CWF19L2: variants seen among roughly 807,000 people sequenced by gnomAD.
CWF19L2 encodes CWF19 like cell cycle control factor 2.
Under a neutral mutation model 111.7 loss-of-function variants are expected in CWF19L2, and 98 were observed. That is an observed-to-expected ratio of 0.88 (90% CI 0.75 to 1.04). The LOEUF (loss-of-function observed/expected upper bound fraction) is 1.04. Among genes scored for constraint, CWF19L2 ranks in the 50% least tolerant of loss-of-function variants. The pLI, the probability that CWF19L2 is intolerant of heterozygous loss-of-function variation, is 0.00. For missense variants in CWF19L2, 1,101 were observed against 1,051.4 expected, an observed-to-expected ratio of 1.05 and a Z score of -0.65; for synonymous variants, 351 against 342.9, an observed-to-expected ratio of 1.02 and a Z score of -0.26.
chr11:107,416,315 A>C lies in CWF19L2; in HGVS notation c.1528-17T>G. 1 of 1,189,882 alleles carries C rather than the reference A, an allele frequency of 8.4e-7. No homozygotes were observed. Among genetic ancestry groups the C allele is most frequent in the Non-Finnish European group, 1.2e-6 (1 of 859,892 alleles). The allele number at this position is 1,189,882 out of a possible 1,614,324, so 73.7% of individuals were successfully genotyped here. ...AGCTAATTCCTTCAAAAAGAAAAAC[A>C]AGTAAAATATGTGCGATATGTAGTT... On this transcript the variant is annotated splice_polypyrimidine_tract_variant and intron_variant, in intron 9 of 17. Transcript: ENST00000282251.
chr11:107,331,604 A>G (rs955369805), intron 16 of CWF19L2, among the ~76,000 whole-genome samples: 2 of 152,222 alleles, frequency 1.3e-5, no homozygotes, highest in Non-Finnish European at 2.9e-5. Flanking sequence ...GCATGCTGAC[A>G]CCTTGATTTT....
At position 107,413,682 on chromosome 11, in the gene CWF19L2, T is replaced by C. The variant is rs191685323; in HGVS notation, c.1617+2527A>G. Among the ~76,000 whole-genome samples, 251 of 152,324 alleles carry C rather than the reference T, an allele frequency of 1.6e-3. 1 individual carries two copies. The highest frequency in any genetic ancestry group is 5.6e-3 in the African/African-American group (231 of 41,570). On this transcript the variant is annotated intron_variant, in intron 10 of 17. Transcript: ENST00000282251. ...CCTGCTTTTTAATCCTACTAGTAATTTCTCACTCTCCATTCTTTAATCTGT... is the reference window on the plus strand; with the variant it reads ...CCTGCTTTTTAATCCTACTAGTAATCTCTCACTCTCCATTCTTTAATCTGT...
chr11:107,373,193 G>GGA (rs1860540880), intron 12 of CWF19L2, among the ~76,000 whole-genome samples: 1 of 129,468 alleles, frequency 7.7e-6, no homozygotes, highest in African/African-American at 3.2e-5. Context: ...GAGGCTAGGG[G>GGA]AGGGGCGCCT....
chr11:107,420,734 A>C (rs1022107819), intron 8 of CWF19L2, among the ~76,000 whole-genome samples: 1 of 152,094 alleles, frequency 6.6e-6, no homozygotes, highest in Non-Finnish European at 1.5e-5. Context: ...TAACAACAAC[A>C]ACCAATAACA....
chr11:107,410,398 T>C (rs1484844668), intron 10 of CWF19L2, among the ~76,000 whole-genome samples: 2 of 152,190 alleles, frequency 1.3e-5, no homozygotes, highest in Admixed American at 6.5e-5. Flanking sequence ...TATACATATA[T>C]ATACTTAGTA....
intron 12 of CWF19L2, among the ~76,000 whole-genome samples, chr11:107,362,982 G>C (rs1408844682): frequency 6.6e-6 from 1 of 152,038 alleles, no homozygotes; most frequent in African/African-American, 2.4e-5. Flanking sequence ...GCTTAAAGGA[G>C]CTGATGGAGC....
At chr11:107,442,801 A>C in intron 4 of CWF19L2, 138 bp downstream of exon 4, 1 of 337,812 alleles carries the variant, frequency 3.0e-6, no homozygotes, top group Non-Finnish European at 5.0e-6. Context: ...GAAGGGAGGG[A>C]GGGAGGGAGG....
intron 1 of CWF19L2, 83 bp downstream of exon 1, chr11:107,457,629 G>C: frequency 1.0e-6 from 1 of 981,252 alleles, no homozygotes; most frequent in Admixed American, 2.1e-5. Flanking sequence ...GACGAGGTAA[G>C]GGAAGGGGTG....
At chr11:107,439,056 A>AAACCCTGTG (rs1555028395) in intron 6 of CWF19L2, 34 bp downstream of exon 6, 2 of 978,896 alleles carry the variant, frequency 2.0e-6, no homozygotes, top group Admixed American at 5.3e-5. Flanking sequence ...AAAAAAAAAA[A>AAACCCTGTG]CCCTGTGTGT....
chr11:107,422,980 T>G (rs978399209), intron 8 of CWF19L2, among the ~76,000 whole-genome samples: 1 of 151,984 alleles, frequency 6.6e-6, no homozygotes, highest in Admixed American at 6.6e-5. Context: ...GAAAGTAACA[T>G]ATTTTCATTC....
At chr11:107,361,829 G>A (rs533711063) in intron 12 of CWF19L2, among the ~76,000 whole-genome samples, 1 of 152,200 alleles carries the variant, frequency 6.6e-6, no homozygotes, top group South Asian at 2.1e-4. Context: ...AGCCAAGATG[G>A]CCGAACAGGA....
chr11:107,359,275 C>A (rs545922209), intron 12 of CWF19L2, among the ~76,000 whole-genome samples: 5 of 152,218 alleles, frequency 3.3e-5, no homozygotes, highest in Non-Finnish European at 1.5e-5. Context: ...GGAATAGATA[C>A]TTTGGATATG....
intron 14 of CWF19L2, among the ~76,000 whole-genome samples, chr11:107,345,227 A>G (rs571974103): frequency 7.1e-6 from 1 of 141,240 alleles, no homozygotes; most frequent in African/African-American, 2.7e-5. Context: ...TATTAAGAAA[A>G]CTTTATTGTT....
At chr11:107,411,519 T>C (rs1252535828) in intron 10 of CWF19L2, among the ~76,000 whole-genome samples, 1 of 152,148 alleles carries the variant, frequency 6.6e-6, no homozygotes, top group Non-Finnish European at 1.5e-5. Flanking sequence ...TATACAAAAC[T>C]AATAACAGCT....
rs146920785 is a variant in CWF19L2 at position 107,441,083 on chromosome 11, A to G, written c.570+420T>C. On this transcript the variant is annotated intron_variant, in intron 5 of 17. Transcript: ENST00000282251. The stretch of plus-strand genomic sequence containing the variant: ...ATTTTTTGGTCTCTACAGATTTCCT[A>G]TTGCTTCCTTACTAGCAAAGTGACA... 3.5e-4 allele frequency among the ~76,000 whole-genome samples: 53 copies of G among 152,212 alleles called. No individual in the cohort carries two copies. In the East Asian group the frequency reaches 0.01, roughly 29 times the overall value.
At chr11:107,338,174 A>G (rs946947012) in intron 14 of CWF19L2, among the ~76,000 whole-genome samples, 28 of 152,130 alleles carry the variant, frequency 1.8e-4, no homozygotes, top group African/African-American at 6.5e-4. Context: ...AGGCTCAAGC[A>G]GTCCTCCCCC....
intron 8 of CWF19L2, among the ~76,000 whole-genome samples, chr11:107,418,731 C>T (rs1412026396): frequency 3.3e-5 from 5 of 152,108 alleles, no homozygotes; most frequent in Non-Finnish European, 2.9e-5. Flanking sequence ...AAGCATTGAT[C>T]GTGTGCTTTT....
Position 107,441,518 on chromosome 11 carries a change from G to A in CWF19L2, c.555C>T (p.Asn185=). 1 of 1,540,038 alleles carries A rather than the reference G, an allele frequency of 6.5e-7. No individual in the cohort carries two copies. Among genetic ancestry groups the A allele is most frequent in the African/African-American group, 1.4e-5 (1 of 72,500 alleles). Reference sequence around the variant, plus strand: ...ATTCTCTTACCTGTTCAAGCGCTTGGTTTTTCTCTTGCTCTATTTTCCTCA... The same window carrying A: ...ATTCTCTTACCTGTTCAAGCGCTTGATTTTTCTCTTGCTCTATTTTCCTCA... ...ETMRKIEQEK[N]QALEQSKLME... The change falls in exon 5 of 18, where the codon AAC becomes AAT. Residue 185 remains asparagine (N), a synonymous_variant. Coordinates refer to ENST00000282251, the MANE Select transcript of CWF19L2 (RefSeq NM_152434.3).
intron 12 of CWF19L2, among the ~76,000 whole-genome samples, chr11:107,378,098 A>C (rs1860621906): frequency 1.3e-5 from 2 of 150,800 alleles, no homozygotes; most frequent in Admixed American, 1.3e-4. Context: ...AATGGCAATC[A>C]TTAAAAAGTC....
Sources: allele counts gnomAD v4.1 joint callset (sites outside exome capture counted in the v4.1 genomes callset), GRCh38; gene constraint gnomAD v4.1.1; transcripts MANE v1.5; gene names NCBI Gene and HGNC (gene_info 2026-07-23, HGNC 2026-07-21).